Variants in DIDO1 observed in about 807,000 individuals in gnomAD.
The protein encoded by DIDO1 is death-inducer obliterator 1.
A neutral mutation model predicts 99.4 loss-of-function variants in DIDO1; 16 were observed. That is an observed-to-expected ratio of 0.16 (90% confidence interval 0.11 to 0.24). DIDO1 has a LOEUF of 0.24. Among genes scored for constraint, DIDO1 ranks in the 10% least tolerant of loss-of-function variants. DIDO1 has a pLI of 1.00. For missense variants in DIDO1, 2,996 were observed against 3,014.0 expected (o/e 0.99, Z 0.14); for synonymous variants, 1,366 against 1,239.1 (o/e 1.10, Z -2.15).
At chr20:62,926,534 C>T (rs975321155), upstream of DIDO1, 1 of 151,938 alleles carries the variant, frequency 6.6e-6, no homozygotes, top group African/African-American at 2.4e-5. Flanking sequence ...CGCCCCCGCG[C>T]GGCGGGCGGA....
intron 6 of DIDO1, among the ~76,000 whole-genome samples, chr20:62,902,668 C>T (rs1054335547): frequency 3.3e-5 from 5 of 152,168 alleles, no homozygotes; most frequent in East Asian, 1.9e-4. Context: ...CGGTGTTCTC[C>T]GTCCATTTCA....
intron 6 of DIDO1, among the ~76,000 whole-genome samples, chr20:62,903,832 C>T (rs552643877): frequency 6.6e-6 from 1 of 152,258 alleles, no homozygotes; most frequent in Non-Finnish European, 1.5e-5. Context: ...AATCAGCTTC[C>T]CAGAGGAGCT....
chr20:62,898,925 C>T (rs2064598510), intron 6 of DIDO1, among the ~76,000 whole-genome samples: 1 of 152,164 alleles, frequency 6.6e-6, no homozygotes, highest in Non-Finnish European at 1.5e-5. Flanking sequence ...CAGTTTAACT[C>T]ATTAGACTTA....
At chr20:62,921,815 A>G (rs1191446097) in intron 1 of DIDO1, among the ~76,000 whole-genome samples, 6 of 139,560 alleles carry the variant, frequency 4.3e-5, no homozygotes, top group Non-Finnish European at 9.4e-5. Flanking sequence ...GTGTGTGTGT[A>G]TATCCACAAT....
chr20:62,892,162 C>T (rs1475733283), intron 13 of DIDO1, 86 bp from the exon 14 acceptor site: 15 of 1,107,234 alleles, frequency 1.4e-5, no homozygotes, highest in Non-Finnish European at 2.0e-5. Context: ...CACACACTAC[C>T]CAAGATTCAA....
At chr20:62,927,637 G>A (rs1461843739), upstream of DIDO1, among the ~76,000 whole-genome samples, 2 of 152,210 alleles carry the variant, frequency 1.3e-5, no homozygotes, top group Admixed American at 6.5e-5. Flanking sequence ...GAGTAAAAGG[G>A]GCCCAGAGTG....
intron 3 of DIDO1, 112 bp from the exon 4 acceptor site, chr20:62,910,132 A>C: frequency 1.7e-6 from 2 of 1,156,272 alleles, no homozygotes; most frequent in Non-Finnish European, 2.4e-6. Context: ...ATATACAGAA[A>C]AGTAGAGATT....
intron 1 of DIDO1, among the ~76,000 whole-genome samples, chr20:62,925,971 C>T (rs1370490944): frequency 2.6e-5 from 4 of 152,202 alleles, no homozygotes; most frequent in South Asian, 2.1e-4. Flanking sequence ...CCGGCCACCC[C>T]GACCGCACCC....
Position 62,881,487 on chromosome 20 carries a change from T to C in DIDO1, c.4469A>G (p.Lys1490Arg). 1 of 1,610,718 alleles carries C rather than the reference T, an allele frequency of 6.2e-7. No individual in the cohort carries two copies. Among genetic ancestry groups the C allele is most frequent in the Non-Finnish European group, 8.5e-7 (1 of 1,179,996 alleles). ...EELNKQIEEQ[K>R]RQLEEQEEAL... ...TTCTTCTTGCTCCTCCAGCTGTCTC[T>C]TCTGCTCCTCGATCTGTTTGTTCAG... The change falls in exon 16 of 16, where the codon AAG (lysine) becomes AGG (arginine). Residue 1490 changes from lysine to arginine, a missense_variant. This residue lies in a region of DIDO1 where 1,562 missense variants were observed against 1,412.6 expected (regional missense o/e 1.11). Coordinates refer to ENST00000395343, the MANE Select transcript of DIDO1 (RefSeq NM_001193369.2). The surrounding 1 kb of genome is among the most constrained non-coding windows in gnomAD (Gnocchi z 8.3).
rs781668439 is a variant in DIDO1, at chr20:62,896,886, C to A, written c.1699G>T (p.Val567Leu). 1 of 1,614,036 alleles carries A rather than the reference C, an allele frequency of 6.2e-7. No individual in the cohort carries two copies. Among genetic ancestry groups the A allele is most frequent in the Admixed American group, 1.7e-5 (1 of 60,020 alleles). ...TTAGCAAAAGAAGACTTCTTTGGCA[C>A]GAGGTTTCTAGGTGCAGGCTGCTTG... ...VGKQPAPRNL[V>L]PKKSSFANVA... The change falls in exon 7 of 16, where the codon GTG becomes TTG. Residue 567 changes from valine (V) to leucine (L), a missense_variant. Val to Leu is a conservative substitution (Grantham distance 32). Transcript: ENST00000395343. This position sits in a 1 kb window ranked among gnomAD's most constrained non-coding sequence, Gnocchi z 4.4.
In DIDO1 at chr20:62,894,921, T is replaced by C; in HGVS notation, c.2332-7A>G. 1 of 1,612,242 alleles carries C rather than the reference T, an allele frequency of 6.2e-7. No individual in the cohort carries two copies. Among genetic ancestry groups the C allele is most frequent in the Non-Finnish European group, 8.5e-7 (1 of 1,179,408 alleles). On this transcript the variant is annotated splice_polypyrimidine_tract_variant and splice_region_variant and intron_variant, in intron 9 of 15. Coordinates refer to ENST00000395343, the MANE Select transcript of DIDO1 (RefSeq NM_001193369.2). This position sits in a 1 kb window ranked among gnomAD's most constrained non-coding sequence, Gnocchi z 4.4. ...TAGTTCTGGACTCCATCACCTGAAA[T>C]GAAAAAGACGAAACAGAGCTTAGGC...
At chr20:62,910,709 T>A in intron 3 of DIDO1, 65 bp downstream of exon 3, 2 of 1,539,124 alleles carry the variant, frequency 1.3e-6, no homozygotes. Context: ...CCCTTTAAAA[T>A]GAAAACAAAT....
At chr20:62,928,856 G>A (rs1456678919), upstream of DIDO1, 2 of 152,080 alleles carry the variant, frequency 1.3e-5, no homozygotes, top group East Asian at 1.9e-4. Flanking sequence ...TCACAAATAG[G>A]TGTAAACAGT....
At chr20:62,935,307 C>G (rs2065371024) in intron 1 of DIDO1, among the ~76,000 whole-genome samples, 1 of 152,086 alleles carries the variant, frequency 6.6e-6, no homozygotes, top group South Asian at 2.1e-4. Flanking sequence ...ATCATTCACT[C>G]ATTTATTCCT....
At position 62,896,025 on chromosome 20, in the gene DIDO1, CG is replaced by C. The variant is rs1366499769; in HGVS notation, c.2214+207del. Among the ~76,000 whole-genome samples, 2 of 152,118 alleles carry C rather than the reference CG, an allele frequency of 1.3e-5. No homozygotes were observed. Among genetic ancestry groups the C allele is most frequent in the Non-Finnish European group, 2.9e-5 (2 of 68,022 alleles). Reference sequence around the variant, plus strand: ...CTTCAGGGAAGCCAGGAAGCGGACGCGACCCTAGTTAAGGCAGGGAAGGGAA... The same window carrying C: ...CTTCAGGGAAGCCAGGAAGCGGACGCACCCTAGTTAAGGCAGGGAAGGGAA... On this transcript the variant is annotated intron_variant, in intron 8 of 15. Coordinates refer to ENST00000395343, the MANE Select transcript of DIDO1 (RefSeq NM_001193369.2). The surrounding 1 kb of genome is among the most constrained non-coding windows in gnomAD (Gnocchi z 4.4).
chr20:62,879,150 AGATCGTG>A lies in DIDO1; in HGVS notation c.*76_*82del. The A allele has an allele frequency of 7.9e-7, 1 of 1,259,986 alleles. No homozygotes were observed. The highest frequency in any genetic ancestry group is 1.8e-5 in the South Asian group (1 of 56,622). The allele number at this position is 1,259,986 out of a possible 1,614,324, so 78.1% of individuals were successfully genotyped here. On this transcript the variant is annotated 3_prime_UTR_variant, in exon 16 of 16. Transcript: ENST00000395343. The surrounding 1 kb of genome is among the most constrained non-coding windows in gnomAD (Gnocchi z 6.3). ...TCCAGAATATTCTATCCTGAATCTA[AGATCGTG>A]GCTATTTCAAAAGCTATTTGTTCAA...
chr20:62,896,609 A>C lies in DIDO1; in HGVS notation c.1976T>G (p.Met659Arg), dbSNP rs200498797. 5.0e-6 allele frequency: 8 copies of C among 1,613,098 alleles called. No homozygotes were observed. The highest frequency in any genetic ancestry group is 6.8e-6 in the Non-Finnish European group (8 of 1,179,454). The change falls in exon 7 of 16, where the codon ATG becomes AGG. Residue 659 changes from methionine (M) to arginine (R), a missense_variant. Met to Arg is a moderately conservative substitution (Grantham distance 91). Around this residue, in one of 5 missense-constraint regions of DIDO1, gnomAD observed 898 missense variants for 972.7 expected, o/e 0.92. Transcript: ENST00000395343. This position sits in a 1 kb window ranked among gnomAD's most constrained non-coding sequence, Gnocchi z 4.4. ...ATTTGGCTGCGATGGTGCAGCACTCATAGCCCCAAGGCGTCCTGGGGCTGG... is the reference window on the plus strand; with the variant it reads ...ATTTGGCTGCGATGGTGCAGCACTCCTAGCCCCAAGGCGTCCTGGGGCTGG... Reference protein sequence around the residue: ...ASPAPGRLGAMSAAPSQPNSQ... With the variant: ...ASPAPGRLGARSAAPSQPNSQ...
At chr20:62,908,591 C>T (rs773529724) in intron 4 of DIDO1, among the ~76,000 whole-genome samples, 6 of 152,200 alleles carry the variant, frequency 3.9e-5, no homozygotes, top group Non-Finnish European at 5.9e-5. Flanking sequence ...TAAGCGAAAC[C>T]TTATTTCTCA....
At chr20:62,888,869 CAGG>C (rs2064344198) in intron 15 of DIDO1, 1 of 985,470 alleles carries the variant, frequency 1.0e-6, no homozygotes, top group South Asian at 4.7e-5. Context: ...ACAAGGACAT[CAGG>C]AGAAGTTAAC....
Sources: allele counts gnomAD v4.1 joint callset (sites outside exome capture counted in the v4.1 genomes callset), GRCh38; gene constraint gnomAD v4.1.1; regional missense constraint gnomAD v4.1.1; non-coding constraint Gnocchi (gnomAD v3.1); transcripts MANE v1.5; gene names NCBI Gene and HGNC (gene_info 2026-07-23, HGNC 2026-07-21).